The following FRMD6 variants were observed in gnomAD, a reference collection of about 807,000 sequenced individuals.
FRMD6 encodes FERM domain-containing protein 6.
In FRMD6, 37 loss-of-function variants were observed where a neutral mutation model predicts 73.2. The observed-to-expected ratio is 0.51, with a 90% CI of 0.39 to 0.66. The LOEUF (loss-of-function observed/expected upper bound fraction) is 0.66, where lower values mean the gene tolerates loss of function less well. Ranked by LOEUF, FRMD6 falls within the 30% of genes least tolerant of loss-of-function variation. FRMD6 has a pLI of 0.00. For missense variants in FRMD6, 714 were observed against 780.5 expected (o/e 0.91, Z 1.02); for synonymous variants, 273 against 282.2 (o/e 0.97, Z 0.33).
chr14:51,467,560 A>T, the FRMD6 span, among the ~76,000 whole-genome samples: 30 of 148,700 alleles, frequency 2.0e-4, no homozygotes, highest in Admixed American at 8.6e-4. Context: ...AGGCGCCCCC[A>T]ACCTCCCGGA....
intron 1 of FRMD6, among the ~76,000 whole-genome samples, chr14:51,564,094 A>G (rs8016351): frequency 0.39 from 59,875 of 151,992 alleles, 11,906 homozygotes; most frequent in South Asian, 0.43. Flanking sequence ...TCCTTGTTCA[A>G]TATTACTTCA....
At chr14:51,588,144 A>G (rs1374899930) in intron 2 of FRMD6, among the ~76,000 whole-genome samples, 1 of 152,196 alleles carries the variant, frequency 6.6e-6, no homozygotes, top group Non-Finnish European at 1.5e-5. Flanking sequence ...AGACATTTAA[A>G]ATGAAAACTT....
Position 51,715,453 on chromosome 14 carries a change from T to A in FRMD6, c.978T>A (p.Asn326Lys). 1.2e-6 allele frequency: 2 copies of A among 1,613,696 alleles called. No individual in the cohort carries two copies. Among genetic ancestry groups the A allele is most frequent in the Non-Finnish European group, 1.7e-6 (2 of 1,179,782 alleles). ...GCAACAGCCACCGCCTCTATATGAATCTGCAGCCTGTCCTGCGCCATATCC... is the reference window on the plus strand; with the variant it reads ...GCAACAGCCACCGCCTCTATATGAAACTGCAGCCTGTCCTGCGCCATATCC... ...LLSNSHRLYM[N>K]LQPVLRHIRK... Residue 326 changes from asparagine to lysine, a missense_variant, in exon 10 of 14, where the codon AAT becomes AAA. Transcript: ENST00000344768.
intron 2 of FRMD6, among the ~76,000 whole-genome samples, chr14:51,605,139 C>CTTTTTTTTTTTTT (rs11389733): frequency 8.4e-6 from 1 of 119,578 alleles, no homozygotes; most frequent in Non-Finnish European, 1.7e-5. Flanking sequence ...CTGCAGGTTT[C>CTTTTTTTTTTTTT]TTTTTTTTTT....
chr14:51,644,387 A>ACACACACACTCT (rs1489278384), intron 2 of FRMD6, among the ~76,000 whole-genome samples: 17 of 115,052 alleles, frequency 1.5e-4, no homozygotes, highest in Admixed American at 1.0e-3. Context: ...ACACACACAC[A>ACACACACACTCT]CTCACTCACT....
At chr14:51,434,906 C>A in the FRMD6 span, among the ~76,000 whole-genome samples, 2 of 152,218 alleles carry the variant, frequency 1.3e-5, no homozygotes, top group South Asian at 2.1e-4. Context: ...AAAGTATAAT[C>A]ATGAGAAATT....
intron 2 of FRMD6, among the ~76,000 whole-genome samples, chr14:51,611,718 G>A (rs1890511478): frequency 6.6e-6 from 1 of 152,172 alleles, no homozygotes; most frequent in African/African-American, 2.4e-5. Flanking sequence ...GATACGCATA[G>A]CACTAGAGAT....
chr14:51,682,603 G>A, intron 1 of FRMD6, among the ~76,000 whole-genome samples: 1 of 152,162 alleles, frequency 6.6e-6, no homozygotes, highest in East Asian at 1.9e-4. Flanking sequence ...AGATGCAGCA[G>A]TTCAAATGAT....
intron 2 of FRMD6, among the ~76,000 whole-genome samples, chr14:51,631,600 C>T (rs1403787594): frequency 2.0e-5 from 3 of 152,146 alleles, no homozygotes; most frequent in African/African-American, 7.2e-5. Flanking sequence ...TGTGAAATCA[C>T]TTTTTCTCTT....
chr14:51,479,755 G>A, the FRMD6 span, among the ~76,000 whole-genome samples: 1 of 152,106 alleles, frequency 6.6e-6, no homozygotes, highest in Non-Finnish European at 1.5e-5. Context: ...ACTGAGACTT[G>A]AGCTAGGCTT....
At chr14:51,611,888 G>T (rs773761107) in intron 2 of FRMD6, among the ~76,000 whole-genome samples, 1 of 151,896 alleles carries the variant, frequency 6.6e-6, no homozygotes, top group South Asian at 2.1e-4. Flanking sequence ...ATTATATAGC[G>T]ATAATGGGGG....
chr14:51,560,515 G>T (rs1469642459), intron 1 of FRMD6, among the ~76,000 whole-genome samples: 1 of 152,064 alleles, frequency 6.6e-6, no homozygotes, highest in Non-Finnish European at 1.5e-5. Flanking sequence ...ACCAAGTTTC[G>T]CTCTTGTTGC....
intron 1 of FRMD6, among the ~76,000 whole-genome samples, chr14:51,491,011 C>T (rs1882972594): frequency 6.6e-6 from 1 of 152,154 alleles, no homozygotes; most frequent in Non-Finnish European, 1.5e-5. Flanking sequence ...GGACCAAATA[C>T]CTTCTCTGCC....
At position 51,710,337 on chromosome 14, in the gene FRMD6, A is replaced by G. The variant is rs539004504; in HGVS notation, c.715-1194A>G. On this transcript the variant is annotated intron_variant, in intron 7 of 13. Coordinates refer to ENST00000344768, the MANE Select transcript of FRMD6 (RefSeq NM_001267046.2). ...TGCTCATAAACGGGAAATAAGGTAG[A>G]CAAAGGACAAGGGAACATTCTGGAA... Among the ~76,000 whole-genome samples, 8 of 152,290 alleles carry G rather than the reference A, an allele frequency of 5.3e-5. No homozygotes were observed. The South Asian group carries it at 1.7e-3, about 32-fold the overall frequency.
chr14:51,725,586 C>A (rs527358396), intron 12 of FRMD6, among the ~76,000 whole-genome samples, 193 bp from the exon 13 acceptor site: 1 of 152,286 alleles, frequency 6.6e-6, no homozygotes, highest in South Asian at 2.1e-4. Context: ...GACTCATTAA[C>A]CTCTATTTAC....
At chr14:51,414,108 G>T in the FRMD6 span, among the ~76,000 whole-genome samples, 1 of 152,170 alleles carries the variant, frequency 6.6e-6, no homozygotes, top group African/African-American at 2.4e-5. Context: ...TAGGTTGCCT[G>T]TTCACTCTGA....
chr14:51,668,707 C>T (rs1008582115), intron 1 of FRMD6, among the ~76,000 whole-genome samples: 3 of 152,038 alleles, frequency 2.0e-5, no homozygotes, highest in African/African-American at 7.2e-5. Flanking sequence ...CCCTCTGTCA[C>T]CCAGGCTAGA....
chr14:51,714,515 C>A (rs1897137022), intron 9 of FRMD6: 1 of 152,162 alleles, frequency 6.6e-6, no homozygotes, highest in Non-Finnish European at 1.5e-5. Flanking sequence ...TAAAAGAGTT[C>A]ATAATATCCC....
chr14:51,538,114 C>G (rs1885999417), intron 1 of FRMD6, among the ~76,000 whole-genome samples: 1 of 152,082 alleles, frequency 6.6e-6, no homozygotes, highest in African/African-American at 2.4e-5. Context: ...CTTGTGTTTT[C>G]TTCCAGGAGT....
Sources: gnomAD v4.1 joint callset for allele counts (sites outside exome capture counted in the v4.1 genomes callset) on GRCh38, gnomAD v4.1.1 for gene constraint, MANE v1.5 for transcripts, NCBI Gene and HGNC (gene_info 2026-07-23, HGNC 2026-07-21) for gene names.